GYG1: variants seen among roughly 807,000 people sequenced by gnomAD.
The protein encoded by GYG1 is glycogenin-1.
Under a neutral mutation model 41.9 loss-of-function variants are expected in GYG1, and 44 were observed. The ratio of observed to expected loss-of-function variants is 1.05; its 90% CI spans 0.83 to 1.35. GYG1 has a LOEUF of 1.35. Ranked by LOEUF, GYG1 falls within the 40% of genes most tolerant of loss-of-function variation. GYG1 has a pLI of 0.00. For missense variants in GYG1, 429 were observed against 418.9 expected, an observed-to-expected ratio of 1.02 and a Z score of -0.21; for synonymous variants, 141 against 158.1, an observed-to-expected ratio of 0.89 and a Z score of 0.81.
chr3:149,004,658 A>G (rs769525813), intron 4 of GYG1, among the ~76,000 whole-genome samples: 6 of 152,248 alleles, frequency 3.9e-5, no homozygotes, highest in Non-Finnish European at 7.3e-5. Context: ...AAACCTTTGT[A>G]GTCACATAAT....
rs1224668224 is a variant in GYG1 at position 149,028,574 on chromosome 3, T to TA, written c.*1645dup. Among the ~76,000 whole-genome samples, 1 of 152,194 alleles carries TA rather than the reference T, an allele frequency of 6.6e-6. No homozygotes were observed. Among genetic ancestry groups the TA allele is most frequent in the Non-Finnish European group, 1.5e-5 (1 of 68,026 alleles). ...TGAACAGAAACACAGTCTTCAGATA[T>TA]AAAATGTCTTATTTTTGTGGCCATT... is the stretch of plus-strand genomic sequence containing the variant. On this transcript the variant is annotated 3_prime_UTR_variant, in exon 8 of 8. Coordinates refer to ENST00000345003, the MANE Select transcript of GYG1 (RefSeq NM_004130.4).
rs1213242023 is a variant in GYG1, at chr3:149,004,625, T to C, written c.482-4651T>C. On this transcript the variant is annotated intron_variant, in intron 4 of 7. Transcript: ENST00000345003. ...TACATGGCATTTAATTTATTTTTAA[T>C]CCACAATTTTGGACTAAATGATAAA... Among the ~76,000 whole-genome samples, 6 of 152,344 alleles carry C rather than the reference T, an allele frequency of 3.9e-5. No individual in the cohort carries two copies. In the South Asian group the frequency reaches 1.0e-3, roughly 26 times the overall value.
Position 149,031,063 on chromosome 3 carries a change from A to T in GYG1, c.*4130A>T, listed in dbSNP as rs1714989823. 1 of 152,124 alleles carries T rather than the reference A, an allele frequency of 6.6e-6. No homozygotes were observed. Among genetic ancestry groups the T allele is most frequent in the African/African-American group, 2.4e-5 (1 of 41,416 alleles). 9.4% of individuals were successfully genotyped at this position (152,124 alleles called of 1,614,324 possible). On this transcript the variant is annotated 3_prime_UTR_variant, in exon 8 of 8. Transcript: ENST00000345003. ...CCCTTTGAAATAAAACCACCTACCT[A>T]ATCTGACTGCTAAATTTCTAGCTTC...
At chr3:148,993,299 T>A (rs990267015) in intron 1 of GYG1, among the ~76,000 whole-genome samples, 8 of 100,814 alleles carry the variant, frequency 7.9e-5, no homozygotes, top group African/African-American at 2.7e-4. Flanking sequence ...TTGGGGTGCG[T>A]GTCTGTTGGT....
At chr3:149,024,374 GATAA>G (rs1424222238) in intron 6 of GYG1, 102 bp downstream of exon 6, 7 of 780,176 alleles carry the variant, frequency 9.0e-6, no homozygotes, top group Non-Finnish European at 1.6e-5. Context: ...TAAACAAAGA[GATAA>G]ATAAAATTTT....
At chr3:148,997,631 TA>T (rs1204795666) in intron 4 of GYG1, among the ~76,000 whole-genome samples, 1 of 152,248 alleles carries the variant, frequency 6.6e-6, no homozygotes, top group Non-Finnish European at 1.5e-5. Flanking sequence ...GCCATGTTTT[TA>T]AAAACAAAAA....
intron 4 of GYG1, among the ~76,000 whole-genome samples, chr3:149,006,672 A>G (rs1178844243): frequency 6.6e-6 from 1 of 152,190 alleles, no homozygotes. Flanking sequence ...AGTTTGTACC[A>G]TTATGAACAA....
At chr3:149,026,274 A>G (rs1714645526) in intron 6 of GYG1, among the ~76,000 whole-genome samples, 178 bp from the exon 7 acceptor site, 1 of 152,194 alleles carries the variant, frequency 6.6e-6, no homozygotes, top group South Asian at 2.1e-4. Context: ...CCTTCTTATA[A>G]TGTGATAACT....
In GYG1 at chr3:149,027,898, CTA is replaced by C. The variant is rs1440675366; in HGVS notation, c.*967_*968del. 2.0e-5 allele frequency among the ~76,000 whole-genome samples: 3 copies of C among 152,168 alleles called. No individual in the cohort carries two copies. Among genetic ancestry groups the C allele is most frequent in the African/African-American group, 4.8e-5 (2 of 41,440 alleles). On this transcript the variant is annotated 3_prime_UTR_variant, in exon 8 of 8. Transcript: ENST00000345003. ...ACCTCTCTATTAAGTGGGTATTTAG[CTA>C]TTTAGAATATTTTAACCTTAAAGTC...
At position 148,996,333 on chromosome 3, in the gene GYG1, A is replaced by G. The variant is rs535548906; in HGVS notation, c.175A>G (p.Ile59Val). The change falls in exon 3 of 8, where the codon ATC becomes GTC. Residue 59 changes from isoleucine (I) to valine (V), a missense_variant. Physicochemically the swap from Ile to Val is conservative, Grantham distance 29. Transcript: ENST00000345003. ...KVLETVFDEV[I>V]MVDVLDSGDS... ...TTTAGAGACAGTCTTTGATGAAGTC[A>G]TCATGGTAGATGTCTTGGACAGTGG... 65 of 1,611,816 alleles carry G rather than the reference A, an allele frequency of 4.0e-5. No individual in the cohort carries two copies. Among genetic ancestry groups the G allele is most frequent in the Admixed American group, 6.7e-5 (4 of 60,010 alleles).
intron 4 of GYG1, chr3:149,004,001 A>G (rs1480355811): frequency 6.6e-6 from 1 of 152,252 alleles, no homozygotes; most frequent in African/African-American, 2.4e-5. Context: ...GTTACCAGGT[A>G]TGTGACCCTG....
chr3:148,996,778 G>A lies in GYG1; in HGVS notation c.355G>A (p.Glu119Lys). 6.2e-7 allele frequency: 1 copy of A among 1,613,972 alleles called. No individual in the cohort carries two copies. Among genetic ancestry groups the A allele is most frequent in the East Asian group, 2.2e-5 (1 of 44,896 alleles). ...ANIDDLFDRE[E>K]LSAAPDPGWP... ...TATTGATGATCTTTTTGACAGAGAA[G>A]AATTGTCAGCAGCACCAGACCCAGG... The change falls in exon 4 of 8, where the codon GAA (glutamate) becomes AAA (lysine). Residue 119 changes from glutamate to lysine, a missense_variant. Glu to Lys is a moderately conservative substitution (Grantham distance 56). Coordinates refer to ENST00000345003, the MANE Select transcript of GYG1 (RefSeq NM_004130.4).
At chr3:149,026,266 T>G (rs1055281835) in intron 6 of GYG1, among the ~76,000 whole-genome samples, 186 bp from the exon 7 acceptor site, 9 of 152,342 alleles carry the variant, frequency 5.9e-5, no homozygotes, top group African/African-American at 2.2e-4. Context: ...TTAACTTTCC[T>G]TCTTATAATG....
intron 4 of GYG1, chr3:149,000,868 A>G (rs1003823068): frequency 2.2e-4 from 33 of 152,348 alleles, no homozygotes; most frequent in African/African-American, 7.9e-4. Context: ...GGTATGATTT[A>G]TTTAAGTAGA....
At chr3:149,001,457 C>T in intron 4 of GYG1, 1 of 152,150 alleles carries the variant, frequency 6.6e-6, no homozygotes, top group East Asian at 1.9e-4. Context: ...CACCTGTCTC[C>T]AGCTTTGTAA....
At chr3:149,022,080 C>T (rs759470693) in intron 5 of GYG1, among the ~76,000 whole-genome samples, 6 of 152,192 alleles carry the variant, frequency 3.9e-5, no homozygotes, top group Non-Finnish European at 7.4e-5. Flanking sequence ...AAGTCACATC[C>T]CACTATCTTA....
chr3:149,031,572 C>T lies in GYG1; in HGVS notation c.*4639C>T, dbSNP rs1715051906. On this transcript the variant is annotated 3_prime_UTR_variant, in exon 8 of 8. Transcript: ENST00000345003. ...AAACAATGAGTGTAGTACTACTTAA[C>T]TAAAATGGAAAAAATAGTACTCTTA... 6.6e-6 allele frequency: 1 copy of T among 152,366 alleles called. No individual in the cohort carries two copies. Among genetic ancestry groups the T allele is most frequent in the African/African-American group, 2.4e-5 (1 of 41,384 alleles). The allele number at this position is 152,366 out of a possible 1,614,324, so 9.4% of individuals were successfully genotyped here. A position where few individuals can be genotyped will look rare whatever the true frequency, so the allele number is the denominator to read the frequency against.
chr3:149,009,609 C>A (rs908110061), intron 5 of GYG1, among the ~76,000 whole-genome samples: 18 of 152,102 alleles, frequency 1.2e-4, no homozygotes, highest in African/African-American at 4.1e-4. Context: ...CCTTAGTTGC[C>A]TTTGGGACAA....
intron 4 of GYG1, among the ~76,000 whole-genome samples, chr3:148,998,371 C>A (rs1488361477): frequency 2.0e-5 from 3 of 152,154 alleles, no homozygotes; most frequent in African/African-American, 7.2e-5. Flanking sequence ...TTGGTTGTTA[C>A]AACTGAAGGG....
Sources: gnomAD v4.1 joint callset for allele counts (sites outside exome capture counted in the v4.1 genomes callset) on GRCh38, gnomAD v4.1.1 for gene constraint, MANE v1.5 for transcripts, NCBI Gene and HGNC (gene_info 2026-07-23, HGNC 2026-07-21) for gene names.